Variants in SSBP3 observed in about 807,000 individuals in gnomAD.
SSBP3 encodes the protein single-stranded DNA-binding protein 3.
SSBP3 carries 5 observed loss-of-function variants against 69.6 expected under a neutral mutation model. The observed-to-expected ratio is 0.07, with a 90% CI of 0.04 to 0.15. The LOEUF (loss-of-function observed/expected upper bound fraction) is 0.15, where lower values mean the gene tolerates loss of function less well. Ranked by LOEUF, SSBP3 falls within the 10% of genes least tolerant of loss-of-function variation. SSBP3 has a pLI of 1.00. For missense variants in SSBP3, 312 were observed against 534.0 expected (o/e 0.58, Z 4.10); for synonymous variants, 196 against 193.4 (o/e 1.01, Z -0.11).
chr1:54,317,973 G>A (rs974623924), intron 4 of SSBP3, among the ~76,000 whole-genome samples: 2 of 152,084 alleles, frequency 1.3e-5, no homozygotes, highest in Non-Finnish European at 2.9e-5. Flanking sequence ...TCACCATGTT[G>A]GCCAGACTGG....
chr1:54,249,632 C>T (rs1008879068), intron 9 of SSBP3, among the ~76,000 whole-genome samples: 1 of 151,746 alleles, frequency 6.6e-6, no homozygotes, highest in Admixed American at 6.6e-5. Flanking sequence ...CACTGCACTC[C>T]AGCCTGGGTG....
intron 4 of SSBP3, among the ~76,000 whole-genome samples, chr1:54,311,390 G>C (rs1195390106): frequency 6.6e-6 from 1 of 152,184 alleles, no homozygotes; most frequent in Non-Finnish European, 1.5e-5. Flanking sequence ...AAGCCCTACT[G>C]GGCCCCCAGG....
At chr1:54,271,483 T>G (rs190291666) in intron 5 of SSBP3, among the ~76,000 whole-genome samples, 46 of 152,342 alleles carry the variant, frequency 3.0e-4, no homozygotes, top group East Asian at 2.7e-3. Context: ...GCTGCGCGAC[T>G]GTTCCTACAG....
chr1:54,401,767 C>T (rs1649320029), intron 4 of SSBP3, 94 bp downstream of exon 4: 2 of 1,022,362 alleles, frequency 2.0e-6, no homozygotes, highest in African/African-American at 1.6e-5. Context: ...CAAATAAAGA[C>T]CACTGCGAAC....
chr1:54,239,206 A>C lies in SSBP3; in HGVS notation c.857-7T>G. On this transcript the variant is annotated splice_polypyrimidine_tract_variant and splice_region_variant and intron_variant, in intron 13 of 17. Transcript: ENST00000610401. ...TCACTGGAATTTGTTGAATCTGTAGAACAGTGGAAACCCACAAGTCGGGGT... is the reference window on the plus strand; with the variant it reads ...TCACTGGAATTTGTTGAATCTGTAGCACAGTGGAAACCCACAAGTCGGGGT... 6.2e-7 allele frequency: 1 copy of C among 1,606,238 alleles called. No homozygotes were observed. Among genetic ancestry groups the C allele is most frequent in the East Asian group, 2.2e-5 (1 of 44,656 alleles).
chr1:54,225,607 C>T, exon 18 of SSBP3: 1 of 381,686 alleles, frequency 2.6e-6, no homozygotes, highest in Non-Finnish European at 4.4e-6. Context: ...TTTTTTCAGG[C>T]AGATGATATC....
chr1:54,364,409 A>T (rs1180819699), intron 4 of SSBP3, among the ~76,000 whole-genome samples: 1 of 152,196 alleles, frequency 6.6e-6, no homozygotes, highest in Non-Finnish European at 1.5e-5. Context: ...GCTTACTGAG[A>T]CCCAGAGAAG....
intron 4 of SSBP3, among the ~76,000 whole-genome samples, chr1:54,334,386 A>G (rs1646473551): frequency 6.6e-6 from 1 of 152,110 alleles, no homozygotes; most frequent in Non-Finnish European, 1.5e-5. Context: ...TCAAAAATAA[A>G]CAAATAAAAT....
intron 4 of SSBP3, among the ~76,000 whole-genome samples, chr1:54,313,457 T>TC (rs1646041592): frequency 6.7e-6 from 1 of 148,630 alleles, no homozygotes; most frequent in Non-Finnish European, 1.5e-5. Context: ...TTTTTTTTTT[T>TC]TTTTCTTTTT....
chr1:54,257,225 T>A, intron 6 of SSBP3, 39 bp from the exon 7 acceptor site: 1 of 1,542,716 alleles, frequency 6.5e-7, no homozygotes, highest in Non-Finnish European at 8.7e-7. Context: ...CAGCCTGCCC[T>A]ACTGCACAGT....
intron 4 of SSBP3, among the ~76,000 whole-genome samples, chr1:54,336,497 T>C (rs958404139): frequency 6.6e-6 from 1 of 152,130 alleles, no homozygotes; most frequent in African/African-American, 2.4e-5. Flanking sequence ...GAGCCAGCAC[T>C]GTCCAGAGCC....
chr1:54,394,710 T>C (rs997609606), intron 4 of SSBP3, among the ~76,000 whole-genome samples: 22 of 143,718 alleles, frequency 1.5e-4, no homozygotes, highest in African/African-American at 5.2e-4. Context: ...TTTTTTTTTT[T>C]TTTTTTTTTT....
chr1:54,242,671 C>T (rs1644660506), intron 10 of SSBP3, among the ~76,000 whole-genome samples: 1 of 152,106 alleles, frequency 6.6e-6, no homozygotes, highest in African/African-American at 2.4e-5. Context: ...CGCGTCAGGC[C>T]GGGCACGGTG....
intron 4 of SSBP3, among the ~76,000 whole-genome samples, chr1:54,322,835 C>T (rs1405963557): frequency 1.3e-5 from 2 of 152,104 alleles, no homozygotes; most frequent in African/African-American, 4.8e-5. Flanking sequence ...TTTGAAAGTC[C>T]CAACACAGCA....
intron 1 of SSBP3, among the ~76,000 whole-genome samples, chr1:54,412,177 C>A (rs973120542): frequency 7.9e-5 from 12 of 151,578 alleles, no homozygotes; most frequent in Admixed American, 2.0e-4. Context: ...ATGACAGCTG[C>A]CCTCGGCCAG....
intron 4 of SSBP3, among the ~76,000 whole-genome samples, chr1:54,385,466 T>C (rs1355950180): frequency 1.3e-5 from 2 of 152,136 alleles, no homozygotes; most frequent in South Asian, 2.1e-4. Flanking sequence ...TTCCCTTCTA[T>C]CTACCACTGC....
rs115807640 is a variant in SSBP3 at position 54,264,321 on chromosome 1, C to A, written c.367-6172G>T. ...CTAAAAAAACGAAACAAAACAAAAC[C>A]AAACCAAGAACAAAATAAACCTACA... On this transcript the variant is annotated intron_variant, in intron 5 of 17. Transcript: ENST00000610401. Among the ~76,000 whole-genome samples, 1,234 of 152,224 alleles carry A rather than the reference C, an allele frequency of 8.1e-3. 8 individuals carry two copies. Among genetic ancestry groups the A allele is most frequent in the South Asian group, 0.025 (121 of 4,804 alleles).
At chr1:54,291,493 C>T (rs529644287) in intron 4 of SSBP3, among the ~76,000 whole-genome samples, 10 of 152,076 alleles carry the variant, frequency 6.6e-5, no homozygotes, top group Admixed American at 3.9e-4. Flanking sequence ...AGTTGCCACA[C>T]GGGTTCGGCG....
At chr1:54,399,994 G>A (rs1351953863) in intron 4 of SSBP3, among the ~76,000 whole-genome samples, 1 of 152,176 alleles carries the variant, frequency 6.6e-6, no homozygotes, top group African/African-American at 2.4e-5. Context: ...CATATGAAGT[G>A]TAGGCCTCAA....
Sources: gnomAD v4.1 joint callset for allele counts (sites outside exome capture counted in the v4.1 genomes callset) on GRCh38, gnomAD v4.1.1 for gene constraint, MANE v1.5 for transcripts, NCBI Gene and HGNC (gene_info 2026-07-23, HGNC 2026-07-21) for gene names.